The following GREB1L variants were observed in gnomAD, a reference collection of about 807,000 sequenced individuals.
The protein encoded by GREB1L is GREB1-like protein.
GREB1L carries 17 observed loss-of-function variants against 200.8 expected under a neutral mutation model. The ratio of observed to expected loss-of-function variants is 0.08; its 90% CI spans 0.06 to 0.13. GREB1L has a LOEUF of 0.13. GREB1L is among the 10% of genes least tolerant of loss of function. GREB1L has a pLI of 1.00. For missense variants in GREB1L, 1,657 were observed against 2,367.7 expected (o/e 0.70, Z 6.23); for synonymous variants, 789 against 893.0 (o/e 0.88, Z 2.08).
intron 1 of GREB1L, among the ~76,000 whole-genome samples, chr18:21,303,248 G>A (rs1306229884): frequency 6.6e-6 from 1 of 152,172 alleles, no homozygotes; most frequent in African/African-American, 2.4e-5. Flanking sequence ...AGGTGAACTT[G>A]AAGTTTTTAT....
chr18:21,361,980 A>G (rs2039586805), intron 1 of GREB1L, among the ~76,000 whole-genome samples: 1 of 152,192 alleles, frequency 6.6e-6, no homozygotes, highest in South Asian at 2.1e-4. Flanking sequence ...GCCAGTGTGT[A>G]TAAGGCTTTG....
intron 1 of GREB1L, among the ~76,000 whole-genome samples, chr18:21,250,923 A>G (rs1328244442): frequency 2.6e-5 from 4 of 152,118 alleles, no homozygotes; most frequent in Non-Finnish European, 5.9e-5. Flanking sequence ...GTCAAACATC[A>G]TCAACATTTT....
rs1411578266 is a variant in GREB1L, at chr18:21,441,453, C to T, written c.1123C>T (p.Pro375Ser). The change falls in exon 10 of 33, where the codon CCC becomes TCC. Residue 375 changes from proline to serine, a missense_variant. Around this residue, in one of 9 missense-constraint regions of GREB1L, gnomAD observed 289 missense variants for 345.1 expected, o/e 0.84. Transcript: ENST00000424526. ...PQTPLTGILQ[P>S]RPIPAGETVI... Reference sequence around the variant, plus strand: ...GACCCCACTAACTGGAATTTTACAACCCAGGCCCATTCCTGCAGGGGAAAC... The same window carrying T: ...GACCCCACTAACTGGAATTTTACAATCCAGGCCCATTCCTGCAGGGGAAAC... The T allele has an allele frequency of 3.9e-6, 6 of 1,551,400 alleles. No individual in the cohort carries two copies. The East Asian group carries it at 7.3e-5, about 19-fold the overall frequency.
intron 1 of GREB1L, among the ~76,000 whole-genome samples, chr18:21,269,326 C>G (rs760648254): frequency 2.0e-5 from 3 of 152,078 alleles, no homozygotes; most frequent in Non-Finnish European, 4.4e-5. Context: ...TTTATTCATT[C>G]CATAATTTTT....
chr18:21,353,902 C>T (rs1298793403), intron 1 of GREB1L, among the ~76,000 whole-genome samples: 1 of 152,140 alleles, frequency 6.6e-6, no homozygotes, highest in Non-Finnish European at 1.5e-5. Flanking sequence ...TCTCATGCCT[C>T]AGCCTCCCGA....
At chr18:21,455,390 T>A (rs1598869983) in intron 15 of GREB1L, among the ~76,000 whole-genome samples, 2 of 152,032 alleles carry the variant, frequency 1.3e-5, no homozygotes, top group Admixed American at 6.6e-5. Context: ...CAGTAAAGAA[T>A]TTTACTTTCG....
intron 1 of GREB1L, among the ~76,000 whole-genome samples, chr18:21,319,372 G>A (rs2038918185): frequency 6.6e-6 from 1 of 152,158 alleles, no homozygotes; most frequent in Non-Finnish European, 1.5e-5. Flanking sequence ...CAAATTAAAA[G>A]GCTTTTCCTA....
At chr18:21,383,020 A>G (rs886516725) in intron 2 of GREB1L, among the ~76,000 whole-genome samples, 7 of 149,238 alleles carry the variant, frequency 4.7e-5, no homozygotes, top group African/African-American at 1.8e-4. Flanking sequence ...ATTTAATTAA[A>G]TATATAACCA....
intron 4 of GREB1L, among the ~76,000 whole-genome samples, chr18:21,389,209 A>T (rs1468766825): frequency 6.6e-6 from 1 of 152,028 alleles, no homozygotes; most frequent in African/African-American, 2.4e-5. Flanking sequence ...ATAAATACCT[A>T]CATTTATTTT....
chr18:21,265,966 T>C (rs1329206349), intron 1 of GREB1L, among the ~76,000 whole-genome samples: 2 of 152,152 alleles, frequency 1.3e-5, no homozygotes, highest in Non-Finnish European at 2.9e-5. Context: ...ACTAGGCAGC[T>C]GGCTGAATGG....
rs1415410150 is a variant in GREB1L at position 21,499,946 on chromosome 18, A to G, written c.3609A>G (p.Ser1203=). Residue 1203 remains serine (S), a synonymous_variant, in exon 22 of 33, where the codon TCA becomes TCG. Transcript: ENST00000424526. ...MASSTTSKPS[S]SSSGPRTLPW... is the part of the protein sequence containing the mutation. ...GCAGCACCACCTCCAAGCCGTCATC[A>G]TCATCCTCAGGACCCAGGACCCTCC... The G allele has an allele frequency of 5.8e-6, 9 of 1,550,560 alleles. No homozygotes were observed. The highest frequency in any genetic ancestry group is 7.8e-6 in the Non-Finnish European group (9 of 1,146,514).
intron 1 of GREB1L, among the ~76,000 whole-genome samples, chr18:21,337,522 G>T (rs556218268): frequency 6.6e-6 from 1 of 152,282 alleles, no homozygotes; most frequent in Non-Finnish European, 1.5e-5. Flanking sequence ...TCTGGTGCTT[G>T]TAAGCACCCT....
At chr18:21,413,968 A>G (rs2031357830) in intron 7 of GREB1L, among the ~76,000 whole-genome samples, 1 of 152,244 alleles carries the variant, frequency 6.6e-6, no homozygotes, top group Non-Finnish European at 1.5e-5. Context: ...AGGCTGGTAA[A>G]GGTGAACAGT....
At chr18:21,268,928 C>A (rs1190204718) in intron 1 of GREB1L, among the ~76,000 whole-genome samples, 1 of 151,910 alleles carries the variant, frequency 6.6e-6, no homozygotes, top group Non-Finnish European at 1.5e-5. Context: ...TTGGTCATAT[C>A]TGAAAACACA....
intron 1 of GREB1L, among the ~76,000 whole-genome samples, chr18:21,245,862 C>T (rs1352275854): frequency 6.6e-6 from 1 of 152,090 alleles, no homozygotes; most frequent in African/African-American, 2.4e-5. Context: ...TGACTACAGG[C>T]GCCTGCCACC....
In GREB1L at chr18:21,505,844, G is replaced by C. The variant is rs1233749691; in HGVS notation, c.4263G>C (p.Arg1421Ser). Residue 1421 changes from arginine to serine, a missense_variant, in exon 25 of 33, where the codon AGG becomes AGC. By Grantham distance (110) the Arg-to-Ser change is moderately radical. This residue lies in a region of GREB1L where 512 missense variants were observed against 668.3 expected (regional missense o/e 0.77). Coordinates refer to ENST00000424526, the MANE Select transcript of GREB1L (RefSeq NM_001142966.3). ...VIKESKVEEPRKRETVSIMLT... is the reference protein window; with the variant it reads ...VIKESKVEEPSKRETVSIMLT... ...AGGAATCCAAAGTTGAAGAGCCCAG[G>C]AAACGGGAAACTGTATCCATAATGC... is the stretch of plus-strand genomic sequence containing the variant. The C allele has an allele frequency of 1.2e-5, 18 of 1,551,726 alleles. No individual in the cohort carries two copies. Among genetic ancestry groups the C allele is most frequent in the Non-Finnish European group, 1.6e-5 (18 of 1,146,994 alleles).
chr18:21,430,609 A>AC (rs2033067591), intron 7 of GREB1L, among the ~76,000 whole-genome samples: 1 of 67,666 alleles, frequency 1.5e-5, no homozygotes, highest in African/African-American at 5.0e-5. Flanking sequence ...TTTTTTTTTT[A>AC]ATTTGAGACG....
At position 21,329,356 on chromosome 18, in the gene GREB1L, A is replaced by C. The variant is rs540725787; in HGVS notation, c.-119-36671A>C. 2.7e-5 allele frequency among the ~76,000 whole-genome samples: 4 copies of C among 149,930 alleles called. No homozygotes were observed. In the South Asian group the frequency reaches 8.5e-4, roughly 32 times the overall value. ...AAAAAAAAAAAAAAAATTGTAATGGACCATATTACAATTGACCCTTGTCTT... is the reference window on the plus strand; with the variant it reads ...AAAAAAAAAAAAAAAATTGTAATGGCCCATATTACAATTGACCCTTGTCTT... On this transcript the variant is annotated intron_variant, in intron 1 of 32. Coordinates refer to ENST00000424526, the MANE Select transcript of GREB1L (RefSeq NM_001142966.3).
chr18:21,457,968 T>TG (rs1300276707), intron 15 of GREB1L, among the ~76,000 whole-genome samples: 4 of 150,048 alleles, frequency 2.7e-5, no homozygotes, highest in Admixed American at 2.0e-4. Context: ...AGGACAGTTT[T>TG]TTTTTTTTTT....
Sources: gnomAD v4.1 joint callset for allele counts (sites outside exome capture counted in the v4.1 genomes callset) on GRCh38, gnomAD v4.1.1 for gene constraint, gnomAD v4.1.1 regional missense constraint, MANE v1.5 for transcripts, NCBI Gene and HGNC (gene_info 2026-07-23, HGNC 2026-07-21) for gene names.